LAMA1: variants seen among roughly 807,000 people sequenced by gnomAD.
LAMA1 encodes the protein laminin subunit alpha-1.
A neutral mutation model predicts 348.7 loss-of-function variants in LAMA1; 219 were observed. That is an observed-to-expected ratio of 0.63 (90% confidence interval 0.56 to 0.70). The LOEUF is 0.70. LAMA1 is among the 30% of genes least tolerant of loss of function. The pLI is 0.00. For synonymous variants in LAMA1, 1,487 were observed against 1,491.0 expected (o/e 1.00, Z 0.06); for missense variants, 3,744 against 3,888.0 (o/e 0.96, Z 0.99).
At chr18:7,069,861 T>C (rs911334474) in intron 3 of LAMA1, among the ~76,000 whole-genome samples, 1 of 149,402 alleles carries the variant, frequency 6.7e-6, no homozygotes, top group South Asian at 2.2e-4. Flanking sequence ...TAGCCCCCCA[T>C]GGTCTGCAGC....
At position 7,032,160 on chromosome 18, in the gene LAMA1, T is replaced by C. The variant is rs1489848371; in HGVS notation, c.2180A>G (p.Tyr727Cys). The C allele has an allele frequency of 1.4e-5, 22 of 1,613,542 alleles. No individual in the cohort carries two copies. The highest frequency in any genetic ancestry group is 1.7e-5 in the Admixed American group (1 of 59,996). The change falls in exon 16 of 63, where the codon TAT (tyrosine) becomes TGT (cysteine). Residue 727 changes from tyrosine to cysteine, a missense_variant. Transcript: ENST00000389658. ...AAAGAGTATTCCATCCACGCGGTAA[T>C]AGCCAGAGAGGCACGACTGCAAGAG... ...GTSCESCLSG[Y>C]YRVDGILFGG...
At chr18:7,064,808 T>C (rs149769095) in intron 3 of LAMA1, among the ~76,000 whole-genome samples, 3 of 152,334 alleles carry the variant, frequency 2.0e-5, no homozygotes, top group South Asian at 2.1e-4. Flanking sequence ...TACCATTAAA[T>C]AGTAGGAAAA....
intron 1 of LAMA1, among the ~76,000 whole-genome samples, chr18:7,117,144 A>AG (rs1048795871): frequency 6.6e-6 from 1 of 152,114 alleles, no homozygotes; most frequent in African/African-American, 2.4e-5. Flanking sequence ...CTTGGCTGCC[A>AG]GGGGCCCCGA....
At chr18:7,085,382 T>C (rs918513143) in intron 1 of LAMA1, among the ~76,000 whole-genome samples, 1 of 151,226 alleles carries the variant, frequency 6.6e-6, no homozygotes, top group Non-Finnish European at 1.5e-5. Flanking sequence ...TTGTTTTCCA[T>C]TTATTTTACT....
At chr18:7,061,521 T>A (rs2058101817) in intron 3 of LAMA1, among the ~76,000 whole-genome samples, 1 of 152,220 alleles carries the variant, frequency 6.6e-6, no homozygotes, top group Non-Finnish European at 1.5e-5. Context: ...CCCCAACTCC[T>A]AACGATTCCC....
At chr18:6,962,739 C>T (rs1351178626) in intron 51 of LAMA1, among the ~76,000 whole-genome samples, 1 of 152,140 alleles carries the variant, frequency 6.6e-6, no homozygotes, top group East Asian at 1.9e-4. Flanking sequence ...GCAGGTAATG[C>T]TATTTGCCAG....
At chr18:7,059,141 C>T (rs544509089) in intron 3 of LAMA1, among the ~76,000 whole-genome samples, 4 of 152,326 alleles carry the variant, frequency 2.6e-5, no homozygotes, top group Non-Finnish European at 4.4e-5. Context: ...CCACCTGCCT[C>T]GGCCTCCCAA....
intron 48 of LAMA1, 70 bp from the exon 49 acceptor site, chr18:6,966,367 G>A: frequency 7.4e-7 from 1 of 1,343,474 alleles, no homozygotes; most frequent in Non-Finnish European, 1.1e-6. Context: ...CACACTTACT[G>A]AGTTCTCCTT....
intron 1 of LAMA1, among the ~76,000 whole-genome samples, chr18:7,099,210 G>T (rs528296956): frequency 0.015 from 2,309 of 150,962 alleles, 22 homozygotes; most frequent in South Asian, 0.022. Context: ...TGTCCACTCA[G>T]GGTTAAATGG....
At chr18:6,970,925 T>C (rs189374123) in intron 48 of LAMA1, among the ~76,000 whole-genome samples, 57 of 152,244 alleles carry the variant, frequency 3.7e-4, no homozygotes, top group Admixed American at 1.9e-3. Flanking sequence ...TCCTAACTTT[T>C]TAAACAAGCG....
intron 16 of LAMA1, among the ~76,000 whole-genome samples, chr18:7,026,603 T>G (rs2057944576): frequency 2.0e-5 from 3 of 152,204 alleles, no homozygotes; most frequent in Non-Finnish European, 2.9e-5. Context: ...CCATTGGCAG[T>G]GCTCTGAGAG....
intron 57 of LAMA1, chr18:6,954,945 G>T (rs2013077): frequency 3.1e-6 from 1 of 319,192 alleles, no homozygotes; most frequent in South Asian, 2.8e-5. Flanking sequence ...TGCAGAGAGG[G>T]GTGGGTGTGG....
At chr18:7,099,045 A>G (rs1217293585) in intron 1 of LAMA1, among the ~76,000 whole-genome samples, 1 of 152,024 alleles carries the variant, frequency 6.6e-6, no homozygotes, top group African/African-American at 2.4e-5. Flanking sequence ...GGCGGGGAAA[A>G]GATTGAGAAA....
At chr18:7,027,799 C>T (rs112539157) in intron 16 of LAMA1, among the ~76,000 whole-genome samples, 18,324 of 151,994 alleles carry the variant, frequency 0.12, 1,397 homozygotes, top group Middle Eastern at 0.17. Context: ...AAAAATTAGC[C>T]GGGCGTGGTG....
At position 6,983,151 on chromosome 18, in the gene LAMA1, T is replaced by G; in HGVS notation, c.5744A>C (p.Glu1915Ala). ...VHYNIQSLIE[E>A]SEELARDAHR... is the part of the protein sequence containing the mutation. ...AGCATCTCTGGCCAGTTCCTCCGAT[T>G]CTTCAATCAGGCTCTGGATGTTGTA... The change falls in exon 40 of 63, where the codon GAA becomes GCA. Residue 1915 changes from glutamate (E) to alanine (A), a missense_variant. Coordinates refer to ENST00000389658, the MANE Select transcript of LAMA1 (RefSeq NM_005559.4). 3 of 1,614,152 alleles carry G rather than the reference T, an allele frequency of 1.9e-6. No homozygotes were observed. Among genetic ancestry groups the G allele is most frequent in the Non-Finnish European group, 2.5e-6 (3 of 1,180,016 alleles).
chr18:7,044,935 A>G, intron 6 of LAMA1, 96 bp from the exon 7 acceptor site: 1 of 916,904 alleles, frequency 1.1e-6, no homozygotes, highest in Non-Finnish European at 1.8e-6. Context: ...AATATGTGGC[A>G]AGAACCTCAC....
At chr18:6,976,490 T>C in intron 44 of LAMA1, among the ~76,000 whole-genome samples, 1 of 152,230 alleles carries the variant, frequency 6.6e-6, no homozygotes, top group East Asian at 1.9e-4. Context: ...TTGCACTTAC[T>C]ACATATTTCT....
chr18:7,011,499 G>C lies in LAMA1; in HGVS notation c.3508-20C>G, dbSNP rs1182251972. On this transcript the variant is annotated intron_variant, in intron 24 of 62. Coordinates refer to ENST00000389658, the MANE Select transcript of LAMA1 (RefSeq NM_005559.4). Reference sequence around the variant, plus strand: ...CGTTACCTAAACCACGAAAGGAGGGGAAAGTGCACTTCAAAATGCGAACTT... The same window carrying C: ...CGTTACCTAAACCACGAAAGGAGGGCAAAGTGCACTTCAAAATGCGAACTT... The C allele has an allele frequency of 1.3e-6, 2 of 1,588,504 alleles. No homozygotes were observed. The highest frequency in any genetic ancestry group is 1.7e-6 in the Non-Finnish European group (2 of 1,167,590).
chr18:7,054,428 C>G (rs183678815), intron 3 of LAMA1, among the ~76,000 whole-genome samples: 4 of 152,282 alleles, frequency 2.6e-5, no homozygotes, highest in African/African-American at 4.8e-5. Context: ...ATTCACTTTT[C>G]TGACAGTAAA....
Sources: allele counts gnomAD v4.1 joint callset (sites outside exome capture counted in the v4.1 genomes callset), GRCh38; gene constraint gnomAD v4.1.1; transcripts MANE v1.5; gene names NCBI Gene and HGNC (gene_info 2026-07-23, HGNC 2026-07-21).